The following ECI2 variants were observed in gnomAD, a reference collection of about 807,000 sequenced individuals.
ECI2 encodes D3,D2-enoyl-CoA isomerase.
Under a neutral mutation model 38.4 loss-of-function variants are expected in ECI2, and 27 were observed. The observed-to-expected ratio is 0.70, with a 90% confidence interval of 0.52 to 0.97. The LOEUF is 0.97. ECI2 is among the 50% of genes least tolerant of loss of function. The pLI is 0.00. For synonymous variants in ECI2, 168 were observed against 172.0 expected, an observed-to-expected ratio of 0.98 and a Z score of 0.18; for missense variants, 470 against 474.4, an observed-to-expected ratio of 0.99 and a Z score of 0.09.
rs543524643 is a variant in ECI2 at position 4,121,892 on chromosome 6, CA to C, written c.796-2618del. 9 of 951,622 alleles carry C rather than the reference CA, an allele frequency of 9.5e-6. No individual in the cohort carries two copies. In the Admixed American group the frequency reaches 1.7e-4, roughly 18 times the overall value. 58.9% of individuals were successfully genotyped at this position (951,622 alleles called of 1,614,324 possible). A position where few individuals can be genotyped will look rare whatever the true frequency, so the allele number is the denominator to read the frequency against. On this transcript the variant is annotated intron_variant, in intron 7 of 9. Coordinates refer to ENST00000380118, the MANE Select transcript of ECI2 (RefSeq NM_206836.3). ...TATGCAGCATATACATAAAAATAAT[CA>C]CAATATTTTTAAAAGTTTCTGTTAA...
At chr6:4,126,529 C>T (rs611500) in intron 5 of ECI2, among the ~76,000 whole-genome samples, 1 of 151,924 alleles carries the variant, frequency 6.6e-6, no homozygotes, top group Admixed American at 6.6e-5. Flanking sequence ...CCTAAGGAAG[C>T]GACAACTGAA....
At position 4,119,215 on chromosome 6, in the gene ECI2, T is replaced by C. The variant is rs764493821; in HGVS notation, c.856A>G (p.Thr286Ala). 20 of 1,613,704 alleles carry C rather than the reference T, an allele frequency of 1.2e-5. No homozygotes were observed. In the South Asian group the frequency reaches 1.9e-4, roughly 15 times the overall value. The change falls in exon 8 of 10, where the codon ACT (threonine) becomes GCT (alanine). Residue 286 changes from threonine (T) to alanine (A), a missense_variant. By Grantham distance (58) the Thr-to-Ala change is moderately conservative (BLOSUM62 0). Coordinates refer to ENST00000380118, the MANE Select transcript of ECI2 (RefSeq NM_206836.3). ...GCTGGGCTCATTATCTTCGGAAAAG[T>C]GTAAGAGGAGCATCCTTCCGGACTT... is the stretch of plus-strand genomic sequence containing the variant. ...GQSPEGCSSY[T>A]FPKIMSPAKA...
chr6:4,126,022 C>T (rs1255868381), intron 6 of ECI2, 113 bp downstream of exon 6: 1 of 835,138 alleles, frequency 1.2e-6, no homozygotes, highest in Admixed American at 2.1e-5. Flanking sequence ...TCCAAAGTCA[C>T]AATTAACTGC....
chr6:4,123,217 C>T (rs1248088028), intron 7 of ECI2, among the ~76,000 whole-genome samples: 1 of 152,032 alleles, frequency 6.6e-6, no homozygotes, highest in South Asian at 2.1e-4. Context: ...CGCTCTGTCA[C>T]CTAGGCTGGA....
intron 7 of ECI2, 116 bp from the exon 8 acceptor site, chr6:4,119,391 GCTCACTGCAAC>G (rs1772524229): frequency 4.4e-6 from 3 of 681,630 alleles, no homozygotes. Context: ...CGCGATCTCG[GCTCACTGCAAC>G]CTCCACCCCT....
chr6:4,117,530 T>TG, intron 8 of ECI2, 79 bp from the exon 9 acceptor site: 1 of 1,545,368 alleles, frequency 6.5e-7, no homozygotes, highest in South Asian at 1.3e-5. Flanking sequence ...TCAGGAGGCT[T>TG]AGAGAGATGT....
At chr6:4,117,263 G>C in intron 9 of ECI2, 45 bp downstream of exon 9, 1 of 1,545,312 alleles carries the variant, frequency 6.5e-7, no homozygotes. Context: ...TTTTCCCTTA[G>C]GAAATCATTT....
chr6:4,133,409 TACAC>T, intron 2 of ECI2, 136 bp downstream of exon 2: 3 of 900,092 alleles, frequency 3.3e-6, no homozygotes, highest in South Asian at 1.9e-5. Flanking sequence ...TATATATATA[TACAC>T]ACACACACTC....
chr6:4,122,697 C>T (rs1282386350), intron 7 of ECI2, among the ~76,000 whole-genome samples: 26 of 148,236 alleles, frequency 1.8e-4, no homozygotes, highest in East Asian at 1.4e-3. Context: ...GGTTTCACCA[C>T]ATTGGCCAGG....
Position 4,117,243 on chromosome 6 carries a change from G to T in ECI2, c.1029+65C>A. 3 of 1,525,246 alleles carry T rather than the reference G, an allele frequency of 2.0e-6. No homozygotes were observed. In the South Asian group the frequency reaches 4.0e-5, roughly 20 times the overall value. The allele number at this position is 1,525,246 out of a possible 1,614,324, so 94.5% of individuals were successfully genotyped here. On this transcript the variant is annotated intron_variant, in intron 9 of 9. Coordinates refer to ENST00000380118, the MANE Select transcript of ECI2 (RefSeq NM_206836.3). ...GCTTTTTATGACTTATTCTCTGAAG[G>T]CAAATAAATTTTTCCCTTAGGAAAT...
At chr6:4,122,346 G>A (rs140361819) in intron 7 of ECI2, among the ~76,000 whole-genome samples, 3 of 151,314 alleles carry the variant, frequency 2.0e-5, no homozygotes, top group African/African-American at 4.9e-5. Context: ...TCAGCCTCCC[G>A]AGCAGTTGGG....
intron 4 of ECI2, among the ~76,000 whole-genome samples, chr6:4,129,978 T>TA (rs1309018034): frequency 6.6e-6 from 1 of 152,090 alleles, no homozygotes; most frequent in Non-Finnish European, 1.5e-5. Flanking sequence ...CCTATACTTA[T>TA]AAAAAATGAA....
chr6:4,120,015 T>A (rs2113972522), intron 7 of ECI2, among the ~76,000 whole-genome samples: 1 of 152,362 alleles, frequency 6.6e-6, no homozygotes, highest in Non-Finnish European at 1.5e-5. Context: ...TCGCTATTTC[T>A]GAGTAGTATT....
intron 7 of ECI2, among the ~76,000 whole-genome samples, chr6:4,122,281 C>CGCAATCTCAACTCGCT (rs1772848283): frequency 6.7e-6 from 1 of 149,568 alleles, no homozygotes; most frequent in Non-Finnish European, 1.5e-5. Flanking sequence ...AGTGCAGTGG[C>CGCAATCTCAACTCGCT]GCAATCTCAA....
chr6:4,128,039 G>C (rs911564064), intron 4 of ECI2, among the ~76,000 whole-genome samples: 3 of 152,150 alleles, frequency 2.0e-5, no homozygotes, highest in Admixed American at 6.5e-5. Flanking sequence ...TTATGTACCT[G>C]GTGCTATGGC....
intron 7 of ECI2, among the ~76,000 whole-genome samples, chr6:4,120,469 G>A (rs138950196): frequency 7.2e-5 from 11 of 152,316 alleles, no homozygotes; most frequent in Middle Eastern, 3.4e-3. Flanking sequence ...GCTCATGCCT[G>A]TAATCCCAAC....
chr6:4,125,414 C>G, intron 6 of ECI2, 44 bp from the exon 7 acceptor site: 2 of 1,611,106 alleles, frequency 1.2e-6, no homozygotes, highest in Middle Eastern at 3.3e-4. Context: ...GCCAAAGCAG[C>G]ATGACTAAAG....
chr6:4,135,250 G>A (rs1256468842), intron 1 of ECI2: 4 of 1,075,578 alleles, frequency 3.7e-6, no homozygotes, highest in Non-Finnish European at 5.4e-6. Flanking sequence ...GAGGCAGGCG[G>A]AGACCTTGGG....
intron 7 of ECI2, chr6:4,124,948 C>G (rs1397851267): frequency 2.1e-6 from 1 of 485,780 alleles, no homozygotes; most frequent in Middle Eastern, 3.1e-4. Context: ...CCTCCCATAA[C>G]AAATTTTCAA....
Sources: gnomAD v4.1 joint callset for allele counts (sites outside exome capture counted in the v4.1 genomes callset) on GRCh38, gnomAD v4.1.1 for gene constraint, MANE v1.5 for transcripts, NCBI Gene and HGNC (gene_info 2026-07-23, HGNC 2026-07-21) for gene names.